Variants in FH observed in about 807,000 individuals in gnomAD.
The protein encoded by FH is fumarate hydratase, also known as fumarate hydratase, mitochondrial.
A neutral mutation model predicts 49.4 loss-of-function variants in FH; 22 were observed. The ratio of observed to expected loss-of-function variants is 0.45; its 90% CI spans 0.32 to 0.64. The LOEUF (loss-of-function observed/expected upper bound fraction) is 0.64, where lower values mean the gene tolerates loss of function less well. Among genes scored for constraint, FH ranks in the 30% least tolerant of loss-of-function variants. The probability of loss-of-function intolerance (pLI) is 0.05; values close to 1 mark genes in which losing one functional copy is unlikely to be tolerated. For synonymous variants in FH, 208 were observed against 223.0 expected (o/e 0.93, Z 0.60); for missense variants, 526 against 641.5 (o/e 0.82, Z 1.95).
In FH at chr1:241,512,091, C is replaced by A. The variant is rs1057521425; in HGVS notation, c.431G>T (p.Gly144Val). The change falls in exon 4 of 10, where the codon GGA (glycine) becomes GTA (valine). Residue 144 changes from glycine (G) to valine (V), a missense_variant. Physicochemically the swap from Gly to Val is moderately radical, Grantham distance 109. Coordinates refer to ENST00000366560, the MANE Select transcript of FH (RefSeq NM_000143.4). ...DHFPLVVWQTGSGTQTNMNVN... is the reference protein window; with the variant it reads ...DHFPLVVWQTVSGTQTNMNVN... ...ATTCATATTTGTCTGAGTTCCTGAT[C>A]CAGTCTGCCATACCACGAGAGGAAA... 1 of 1,613,878 alleles carries A rather than the reference C, an allele frequency of 6.2e-7. No individual in the cohort carries two copies. Among genetic ancestry groups the A allele is most frequent in the South Asian group, 1.1e-5 (1 of 91,066 alleles).
intron 2 of FH, among the ~76,000 whole-genome samples, chr1:241,516,235 C>T (rs1660208240): frequency 6.6e-6 from 1 of 152,134 alleles, no homozygotes; most frequent in Non-Finnish European, 1.5e-5. Flanking sequence ...AATAACTATT[C>T]ACAATAGCAA....
intron 2 of FH, among the ~76,000 whole-genome samples, chr1:241,516,142 A>G (rs563015452): frequency 6.6e-6 from 1 of 152,192 alleles, no homozygotes; most frequent in Admixed American, 6.5e-5. Context: ...AATATTTACA[A>G]ACTGTAGAAC....
chr1:241,513,536 G>T, intron 3 of FH, 67 bp downstream of exon 3: 1 of 1,143,534 alleles, frequency 8.7e-7, no homozygotes, highest in Non-Finnish European at 1.3e-6. Flanking sequence ...TTCTGCCAGA[G>T]CATATCGTCA....
intron 2 of FH, among the ~76,000 whole-genome samples, chr1:241,514,931 A>C (rs1383652654): frequency 1.3e-5 from 2 of 152,198 alleles, no homozygotes; most frequent in Non-Finnish European, 2.9e-5. Context: ...GGTGAATGCC[A>C]ATCAACGCTG....
At chr1:241,513,434 G>A (rs371676008) in intron 3 of FH, among the ~76,000 whole-genome samples, 169 bp downstream of exon 3, 2 of 152,214 alleles carry the variant, frequency 1.3e-5, no homozygotes, top group African/African-American at 2.4e-5. Context: ...ACAATGTAAC[G>A]TTTTAAGCAC....
chr1:241,517,075 C>A (rs1194095878), intron 2 of FH, 107 bp downstream of exon 2: 1 of 1,406,946 alleles, frequency 7.1e-7, no homozygotes, highest in Non-Finnish European at 1.0e-6. Flanking sequence ...GCCATCTTTT[C>A]TAATAACTTT....
At chr1:241,510,734 G>C (rs1235274661) in intron 4 of FH, among the ~76,000 whole-genome samples, 1 of 152,116 alleles carries the variant, frequency 6.6e-6, no homozygotes, top group Non-Finnish European at 1.5e-5. Context: ...TTTAATGTAA[G>C]CCCAAAAACT....
At chr1:241,511,896 T>C in intron 4 of FH, 71 bp downstream of exon 4, 1 of 1,455,938 alleles carries the variant, frequency 6.9e-7, no homozygotes, top group Non-Finnish European at 9.6e-7. Context: ...AGTGAATGCT[T>C]GTTTTACAAG....
At chr1:241,497,997 A>T in intron 9 of FH, 27 bp from the exon 10 acceptor site, 1 of 1,613,288 alleles carries the variant, frequency 6.2e-7, no homozygotes, top group South Asian at 1.1e-5. Flanking sequence ...AAGACGACAT[A>T]TGGGTTAGCA....
intron 5 of FH, among the ~76,000 whole-genome samples, chr1:241,507,045 C>G (rs1659948181): frequency 6.6e-6 from 1 of 152,144 alleles, no homozygotes; most frequent in African/African-American, 2.4e-5. Context: ...ATAGGTAGAC[C>G]TGATGCATCT....
At chr1:241,503,606 G>T (rs1018342275) in intron 7 of FH, among the ~76,000 whole-genome samples, 4 of 152,168 alleles carry the variant, frequency 2.6e-5, no homozygotes, top group Non-Finnish European at 5.9e-5. Context: ...ACATTCATCT[G>T]CCAGCACTGC....
intron 2 of FH, among the ~76,000 whole-genome samples, chr1:241,514,676 A>G (rs1307688810): frequency 6.6e-6 from 1 of 152,200 alleles, no homozygotes; most frequent in Non-Finnish European, 1.5e-5. Context: ...CACATTAAAA[A>G]CATAAACCTG....
In FH at chr1:241,513,673, G is replaced by A. The variant is rs1256116208; in HGVS notation, c.308C>T (p.Ala103Val). 7 of 1,614,094 alleles carry A rather than the reference G, an allele frequency of 4.3e-6. No individual in the cohort carries two copies. Among genetic ancestry groups the A allele is most frequent in the African/African-American group, 2.7e-5 (2 of 75,034 alleles). The stretch of plus-strand genomic sequence containing the variant: ...ACCATAATCCTGGTTTACTTCAGCG[G>A]CCGCTCGCTTCAAGATGCCAAAAGC... ...IKAFGILKRA[A>V]AEVNQDYGLD... is the part of the protein sequence containing the mutation. The change falls in exon 3 of 10, where the codon GCC (alanine) becomes GTC (valine). Residue 103 changes from alanine to valine, a missense_variant. Ala to Val is a moderately conservative substitution (Grantham distance 64, BLOSUM62 0). Coordinates refer to ENST00000366560, the MANE Select transcript of FH (RefSeq NM_000143.4).
chr1:241,498,096 T>C, intron 9 of FH, 126 bp from the exon 10 acceptor site: 1 of 853,566 alleles, frequency 1.2e-6, no homozygotes, highest in Non-Finnish European at 1.9e-6. Context: ...ATTTTTTGTT[T>C]TTAAATTAGT....
intron 5 of FH, 129 bp downstream of exon 5, chr1:241,508,474 C>G: frequency 2.7e-6 from 2 of 752,684 alleles, no homozygotes; most frequent in Non-Finnish European, 4.8e-6. Flanking sequence ...ATTGGTTGAA[C>G]AGAACAACCT....
intron 9 of FH, among the ~76,000 whole-genome samples, chr1:241,500,197 T>G (rs1355544466): frequency 6.6e-6 from 1 of 152,162 alleles, no homozygotes; most frequent in African/African-American, 2.4e-5. Flanking sequence ...AAGTTTGAAC[T>G]ACTACTTCTC....
At position 241,513,507 on chromosome 1, in the gene FH, A is replaced by C. The variant is rs1558401009; in HGVS notation, c.378+96T>G. 5 of 928,968 alleles carry C rather than the reference A, an allele frequency of 5.4e-6. No homozygotes were observed. In the African/African-American group the frequency reaches 8.1e-5, roughly 15 times the overall value. The allele number at this position is 928,968 out of a possible 1,614,324, so 57.5% of individuals were successfully genotyped here. ...TCCCCTGAAATTCATTAATTCAAGAATTCACAGTTCCCCTTTCCTTCTGCC... is the reference window on the plus strand; with the variant it reads ...TCCCCTGAAATTCATTAATTCAAGACTTCACAGTTCCCCTTTCCTTCTGCC... On this transcript the variant is annotated intron_variant, in intron 3 of 9. Coordinates refer to ENST00000366560, the MANE Select transcript of FH (RefSeq NM_000143.4).
At chr1:241,508,923 T>C (rs188502181) in intron 4 of FH, 138 bp from the exon 5 acceptor site, 2 of 665,530 alleles carry the variant, frequency 3.0e-6, no homozygotes, top group Admixed American at 5.4e-5. Flanking sequence ...ATGTGTGGCA[T>C]GTCATAGGTG....
chr1:241,499,317 C>T (rs1303604508), intron 9 of FH, among the ~76,000 whole-genome samples: 3 of 152,106 alleles, frequency 2.0e-5, no homozygotes, highest in South Asian at 2.1e-4. Flanking sequence ...TAAAGATTTG[C>T]CAATCATTCA....
Sources: allele counts gnomAD v4.1 joint callset (sites outside exome capture counted in the v4.1 genomes callset), GRCh38; gene constraint gnomAD v4.1.1; transcripts MANE v1.5; gene names NCBI Gene and HGNC (gene_info 2026-07-23, HGNC 2026-07-21).